PCSK6: variants seen among roughly 807,000 people sequenced by gnomAD.
PCSK6 encodes paired basic amino acid cleaving enzyme 4.
In PCSK6, 85 loss-of-function variants were observed where a neutral mutation model predicts 123.3. That is an observed-to-expected ratio of 0.69 (90% CI 0.58 to 0.83). PCSK6 has a LOEUF of 0.83. Among genes scored for constraint, PCSK6 ranks in the 40% least tolerant of loss-of-function variants. The probability of loss-of-function intolerance (pLI) is 0.00; values close to 1 mark genes in which losing one functional copy is unlikely to be tolerated. For missense variants in PCSK6, 1,191 were observed against 1,282.3 expected, an observed-to-expected ratio of 0.93 and a Z score of 1.09; for synonymous variants, 508 against 516.0, an observed-to-expected ratio of 0.98 and a Z score of 0.21.
intron 1 of PCSK6, among the ~76,000 whole-genome samples, chr15:101,478,489 T>G (rs2057788607): frequency 6.6e-6 from 1 of 152,192 alleles, no homozygotes; most frequent in South Asian, 2.1e-4. Flanking sequence ...ATGCCTCCTG[T>G]CCTCAGTCCT....
intron 13 of PCSK6, among the ~76,000 whole-genome samples, chr15:101,335,077 A>G (rs1303912183): frequency 6.6e-6 from 1 of 152,104 alleles, no homozygotes; most frequent in African/African-American, 2.4e-5. Flanking sequence ...CTCCCACCTC[A>G]GCATCCCAAG....
At chr15:101,423,422 G>C (rs1216044725) in intron 6 of PCSK6, among the ~76,000 whole-genome samples, 1 of 151,920 alleles carries the variant, frequency 6.6e-6, no homozygotes, top group African/African-American at 2.4e-5. Flanking sequence ...CACCACACCT[G>C]GCTGATTTTT....
intron 13 of PCSK6, chr15:101,365,995 T>C (rs1226096738): frequency 2.0e-6 from 1 of 510,592 alleles, no homozygotes; most frequent in African/African-American, 2.0e-5. Flanking sequence ...GTGCTGACGT[T>C]TACATGACAT....
At position 101,353,800 on chromosome 15, in the gene PCSK6, T is replaced by C. The variant is rs569502133; in HGVS notation, c.1858+12396A>G. Among the ~76,000 whole-genome samples, 15 of 152,094 alleles carry C rather than the reference T, an allele frequency of 9.9e-5. No individual in the cohort carries two copies. The South Asian group carries it at 2.7e-3, about 28-fold the overall frequency. On this transcript the variant is annotated intron_variant, in intron 13 of 21. Transcript: ENST00000611716. ...TCACCAGGTTGGGTTGAGGTGAGGG[T>C]GGCCCTGAGCTTGGAAGACGGCCCT...
At chr15:101,342,345 A>T (rs2040634195) in intron 13 of PCSK6, among the ~76,000 whole-genome samples, 3 of 152,146 alleles carry the variant, frequency 2.0e-5, no homozygotes, top group African/African-American at 7.2e-5. Context: ...AGTGTAATAA[A>T]TTAAGGATGC....
At chr15:101,449,474 G>C (rs963608905) in intron 1 of PCSK6, among the ~76,000 whole-genome samples, 1 of 152,150 alleles carries the variant, frequency 6.6e-6, no homozygotes, top group African/African-American at 2.4e-5. Context: ...GTTTATGTAA[G>C]GTTCATAAAC....
chr15:101,313,452 A>C lies in PCSK6; in HGVS notation c.2623T>G (p.Trp875Gly). ...HCAKNFHFHDWKCVPACGEGF... is the reference protein window; with the variant it reads ...HCAKNFHFHDGKCVPACGEGF... Reference sequence around the variant, plus strand: ...TCACCACAGGCTGGCACACACTTCCAGTCGTGGAAGTGGAAGTTTTTCGCA... The same window carrying C: ...TCACCACAGGCTGGCACACACTTCCCGTCGTGGAAGTGGAAGTTTTTCGCA... The change falls in exon 20 of 22, where the codon TGG becomes GGG. Residue 875 changes from tryptophan to glycine, a missense_variant. By Grantham distance (184) the Trp-to-Gly change is radical. This residue lies in a region of PCSK6 where 630 missense variants were observed against 631.4 expected (regional missense o/e 1.00). Coordinates refer to ENST00000611716, the MANE Select transcript of PCSK6 (RefSeq NM_002570.5). 1 of 1,611,912 alleles carries C rather than the reference A, an allele frequency of 6.2e-7. No homozygotes were observed. Among genetic ancestry groups the C allele is most frequent in the Non-Finnish European group, 8.5e-7 (1 of 1,179,816 alleles).
rs536668486 is a variant in PCSK6, at chr15:101,459,659, C to T, written c.298-15999G>A. On this transcript the variant is annotated intron_variant, in intron 1 of 21. Transcript: ENST00000611716. ...ACTCTGCTGACACCCTGAATCCTGC[C>T]CTGTCCCCTCCATCCCAGCAACTAT... is the stretch of plus-strand genomic sequence containing the variant. 1.9e-4 allele frequency among the ~76,000 whole-genome samples: 29 copies of T among 150,486 alleles called. 2 individuals are homozygous for T. The highest frequency in any genetic ancestry group is 1.8e-3 in the Admixed American group (27 of 15,058).
chr15:101,401,632 G>A (rs1049232002), intron 6 of PCSK6, among the ~76,000 whole-genome samples: 3 of 152,180 alleles, frequency 2.0e-5, no homozygotes, highest in Non-Finnish European at 2.9e-5. Context: ...CTCCCGTCTC[G>A]CTGAGCCTCA....
chr15:101,474,539 C>T (rs539160498), intron 1 of PCSK6, among the ~76,000 whole-genome samples: 10 of 152,202 alleles, frequency 6.6e-5, no homozygotes, highest in Non-Finnish European at 1.2e-4. Flanking sequence ...AAATGAACCC[C>T]CCTACCCTCT....
intron 1 of PCSK6, among the ~76,000 whole-genome samples, chr15:101,451,091 T>C (rs1322607464): frequency 2.6e-5 from 4 of 151,672 alleles, no homozygotes; most frequent in African/African-American, 9.7e-5. Flanking sequence ...CATCATGTCG[T>C]TTCTTTAAAT....
chr15:101,418,181 A>C (rs1290428737), intron 6 of PCSK6, among the ~76,000 whole-genome samples: 1 of 152,198 alleles, frequency 6.6e-6, no homozygotes, highest in Non-Finnish European at 1.5e-5. Context: ...AGAAAACCTG[A>C]ATAGGTCTAG....
chr15:101,476,475 G>A lies in PCSK6; in HGVS notation c.297+12899C>T, dbSNP rs556329275. Among the ~76,000 whole-genome samples the A allele has an allele frequency of 5.3e-5, 8 of 149,826 alleles. No homozygotes were observed. The South Asian group carries it at 1.5e-3, about 28-fold the overall frequency. ...GGTAGGTCTCTATGTACGAGCATGGGAAGATTCCCAAGACGTCCCACTGTT... is the reference window on the plus strand; with the variant it reads ...GGTAGGTCTCTATGTACGAGCATGGAAAGATTCCCAAGACGTCCCACTGTT... On this transcript the variant is annotated intron_variant, in intron 1 of 21. Transcript: ENST00000611716.
intron 1 of PCSK6, among the ~76,000 whole-genome samples, chr15:101,453,507 GC>G (rs2057089147): frequency 6.6e-6 from 1 of 152,240 alleles, no homozygotes; most frequent in African/African-American, 2.4e-5. Context: ...GAGGAGGTGA[GC>G]CTGCGGAGGC....
intron 1 of PCSK6, among the ~76,000 whole-genome samples, chr15:101,473,342 A>G (rs1262882402): frequency 2.0e-5 from 3 of 152,182 alleles, no homozygotes; most frequent in Admixed American, 6.5e-5. Context: ...TTCTGGGCTC[A>G]GAGGATCCTC....
chr15:101,315,509 C>CT (rs2039969562), intron 19 of PCSK6, among the ~76,000 whole-genome samples: 1 of 152,170 alleles, frequency 6.6e-6, no homozygotes, highest in Admixed American at 6.5e-5. Context: ...GTTTGCGGGG[C>CT]CCAGTATAAA....
chr15:101,440,859 C>T (rs951061834), intron 2 of PCSK6, among the ~76,000 whole-genome samples: 6 of 152,188 alleles, frequency 3.9e-5, no homozygotes, highest in African/African-American at 1.2e-4. Context: ...AAATATTAGT[C>T]AGACTGACAG....
chr15:101,434,966 C>T (rs2056554694), intron 2 of PCSK6, among the ~76,000 whole-genome samples: 1 of 152,170 alleles, frequency 6.6e-6, no homozygotes, highest in Non-Finnish European at 1.5e-5. Context: ...ATCCTGGGGT[C>T]ACTTATTCTG....
intron 1 of PCSK6, among the ~76,000 whole-genome samples, chr15:101,446,030 C>T (rs539101359): frequency 9.5e-4 from 144 of 152,372 alleles, no homozygotes; most frequent in Admixed American, 2.7e-3. Flanking sequence ...CTGTTCTCCA[C>T]GAACGATCCA....
Sources: allele counts gnomAD v4.1 joint callset (sites outside exome capture counted in the v4.1 genomes callset), GRCh38; gene constraint gnomAD v4.1.1; regional missense constraint gnomAD v4.1.1; transcripts MANE v1.5; gene names NCBI Gene and HGNC (gene_info 2026-07-23, HGNC 2026-07-21).